The following CUL2 variants were observed in gnomAD, a reference collection of about 807,000 sequenced individuals.
CUL2 encodes the protein cullin-2.
A neutral mutation model predicts 110.2 loss-of-function variants in CUL2; 22 were observed. The observed-to-expected ratio is 0.20, with a 90% CI of 0.14 to 0.28. The LOEUF is 0.28. Among genes scored for constraint, CUL2 ranks in the 10% least tolerant of loss-of-function variants. CUL2 has a pLI of 1.00. For missense variants in CUL2, 631 were observed against 905.5 expected (o/e 0.70, Z 3.89); for synonymous variants, 279 against 293.2 (o/e 0.95, Z 0.49).
rs112713975 is a variant in CUL2 at position 35,058,564 on chromosome 10, A to G, written c.317+2310T>C. 5.9e-3 allele frequency among the ~76,000 whole-genome samples: 906 copies of G among 152,336 alleles called. 6 individuals carry two copies. Among genetic ancestry groups the G allele is most frequent in the African/African-American group, 0.02 (833 of 41,578 alleles). Reference sequence around the variant, plus strand: ...CCTGATAAGTGTCGATTCTTAGCTGATAATTCCCAGGCACAGAGCAAAGGC... The same window carrying G: ...CCTGATAAGTGTCGATTCTTAGCTGGTAATTCCCAGGCACAGAGCAAAGGC... On this transcript the variant is annotated intron_variant, in intron 4 of 20. Coordinates refer to ENST00000374749, the MANE Select transcript of CUL2 (RefSeq NM_003591.4).
At chr10:35,072,022 G>A (rs1228082914) in intron 1 of CUL2, among the ~76,000 whole-genome samples, 1 of 152,158 alleles carries the variant, frequency 6.6e-6, no homozygotes, top group Non-Finnish European at 1.5e-5. Context: ...CAACCGAAAG[G>A]TTTTGGCCCC....
At chr10:35,028,971 T>G in intron 15 of CUL2, 84 bp from the exon 16 acceptor site, 1 of 819,270 alleles carries the variant, frequency 1.2e-6, no homozygotes, top group Non-Finnish European at 1.9e-6. Context: ...AATCTAAGCA[T>G]CTAAAACATT....
intron 19 of CUL2, among the ~76,000 whole-genome samples, chr10:35,013,217 C>T (rs2084947260): frequency 6.6e-6 from 1 of 151,722 alleles, no homozygotes; most frequent in Non-Finnish European, 1.5e-5. Context: ...TAGTGGTGGG[C>T]GCCTGTAGTC....
At chr10:35,122,264 A>G (rs1384853834) in intron 1 of CUL2, among the ~76,000 whole-genome samples, 1 of 152,228 alleles carries the variant, frequency 6.6e-6, no homozygotes, top group Non-Finnish European at 1.5e-5. Flanking sequence ...AATTAGTAAA[A>G]TAAAATAGGA....
At chr10:35,054,327 C>G (rs527262013) in intron 5 of CUL2, 107 bp downstream of exon 5, 3 of 627,982 alleles carry the variant, frequency 4.8e-6, no homozygotes, top group African/African-American at 3.8e-5. Flanking sequence ...AAATCTTGAC[C>G]ATTTTAAGCT....
intron 1 of CUL2, among the ~76,000 whole-genome samples, chr10:35,106,380 C>T (rs2087456278): frequency 6.6e-6 from 1 of 150,998 alleles, no homozygotes; most frequent in African/African-American, 2.4e-5. Flanking sequence ...AGTGCAGTGG[C>T]GCGATCTCCG....
chr10:35,114,936 G>A (rs1352131848), intron 1 of CUL2, among the ~76,000 whole-genome samples: 2 of 152,068 alleles, frequency 1.3e-5, no homozygotes, highest in Non-Finnish European at 1.5e-5. Context: ...AAGAAGCTGG[G>A]TGCAGTGGCT....
At chr10:35,079,531 C>T (rs533076672) in intron 1 of CUL2, 2 of 152,738 alleles carry the variant, frequency 1.3e-5, no homozygotes, top group South Asian at 2.1e-4. Context: ...CAGTGTAATG[C>T]CTTTTCCAAA....
chr10:35,090,791 C>T (rs2087191880), upstream of CUL2: 1 of 152,232 alleles, frequency 6.6e-6, no homozygotes, highest in Non-Finnish European at 1.5e-5. Context: ...CAGTACCCAC[C>T]CACTACCCGT....
In CUL2 at chr10:35,010,317, G is replaced by C. The variant is rs770061112; in HGVS notation, c.2232C>G (p.Val744=). 4 of 1,606,992 alleles carry C rather than the reference G, an allele frequency of 2.5e-6. No homozygotes were observed. Among genetic ancestry groups the C allele is most frequent in the Non-Finnish European group, 3.4e-6 (4 of 1,176,506 alleles). ...ACGCTGGAGGAGAGCGACATCACGC[G>C]ACGTAGCTGTATTCATCTGCCGACG... ...SQASADEYSY[V]A is the part of the protein sequence containing the mutation. The change falls in exon 21 of 21, where the codon GTC becomes GTG. Residue 744 remains valine (V), a synonymous_variant. Coordinates refer to ENST00000374749, the MANE Select transcript of CUL2 (RefSeq NM_003591.4).
chr10:35,115,371 C>G (rs529149248), intron 1 of CUL2, among the ~76,000 whole-genome samples: 2 of 151,236 alleles, frequency 1.3e-5, no homozygotes, highest in East Asian at 3.9e-4. Context: ...ACCAGCCTGG[C>G]AAACATAATG....
chr10:35,064,104 A>G (rs1348496783), intron 2 of CUL2: 1 of 152,214 alleles, frequency 6.6e-6, no homozygotes, highest in Non-Finnish European at 1.5e-5. Flanking sequence ...TCTCCAAGGT[A>G]AAGATAATGA....
intron 1 of CUL2, among the ~76,000 whole-genome samples, chr10:35,079,323 C>A (rs1240238056): frequency 4.6e-5 from 7 of 152,142 alleles, no homozygotes. Context: ...ACACATGCAT[C>A]GGAAGGTCGG....
chr10:35,109,800 C>T (rs1015969807), intron 1 of CUL2, among the ~76,000 whole-genome samples: 2 of 152,166 alleles, frequency 1.3e-5, no homozygotes, highest in South Asian at 2.1e-4. Flanking sequence ...TAGAGAAGCT[C>T]GATTTTATTT....
chr10:35,124,125 T>A (rs2087710360), intron 1 of CUL2, among the ~76,000 whole-genome samples: 2 of 152,182 alleles, frequency 1.3e-5, no homozygotes, highest in South Asian at 2.1e-4. Flanking sequence ...TGAAGCTGAA[T>A]GAGCTATGAT....
At chr10:35,062,670 C>CAA (rs77853239) in intron 3 of CUL2, among the ~76,000 whole-genome samples, 29 of 123,122 alleles carry the variant, frequency 2.4e-4, no homozygotes, top group East Asian at 9.0e-4. Context: ...CCATCTCTAC[C>CAA]AAAAAAAAAA....
At position 35,022,422 on chromosome 10, in the gene CUL2, G is replaced by C. The variant is rs557287859; in HGVS notation, c.1684+2710C>G. On this transcript the variant is annotated intron_variant, in intron 17 of 20. Coordinates refer to ENST00000374749, the MANE Select transcript of CUL2 (RefSeq NM_003591.4). Reference sequence around the variant, plus strand: ...GGGTATTCCATGAGCTGGGAATGTAGAAATAGACTAGGCAAGAATAATTTT... The same window carrying C: ...GGGTATTCCATGAGCTGGGAATGTACAAATAGACTAGGCAAGAATAATTTT... 1.1e-4 allele frequency among the ~76,000 whole-genome samples: 16 copies of C among 152,270 alleles called. No individual in the cohort carries two copies. The South Asian group carries it at 3.1e-3, about 30-fold the overall frequency.
At chr10:35,119,672 G>T (rs981382321) in intron 1 of CUL2, among the ~76,000 whole-genome samples, 7 of 151,742 alleles carry the variant, frequency 4.6e-5, no homozygotes, top group African/African-American at 1.7e-4. Context: ...CTAGACCCAA[G>T]GGATCCTCCT....
intron 1 of CUL2, among the ~76,000 whole-genome samples, chr10:35,105,625 T>C (rs1282969440): frequency 7.0e-6 from 1 of 142,712 alleles, no homozygotes; most frequent in East Asian, 2.1e-4. Context: ...GGAGAATCAC[T>C]TGACCCCGGG....
Sources: allele counts gnomAD v4.1 joint callset (sites outside exome capture counted in the v4.1 genomes callset), GRCh38; gene constraint gnomAD v4.1.1; transcripts MANE v1.5; gene names NCBI Gene and HGNC (gene_info 2026-07-23, HGNC 2026-07-21).